The following AMDHD1 variants were observed in gnomAD, a reference collection of about 807,000 sequenced individuals.
AMDHD1 encodes the protein amidohydrolase domain containing 1.
Under a neutral mutation model 44.1 loss-of-function variants are expected in AMDHD1, and 45 were observed. The observed-to-expected ratio is 1.02, with a 90% CI of 0.80 to 1.31. The LOEUF (loss-of-function observed/expected upper bound fraction) is 1.31. Among genes scored for constraint, AMDHD1 ranks in the 50% most tolerant of loss-of-function variants. AMDHD1 has a pLI of 0.00. For missense variants in AMDHD1, 586 were observed against 552.1 expected, an observed-to-expected ratio of 1.06 and a Z score of -0.61; for synonymous variants, 206 against 205.0, an observed-to-expected ratio of 1.00 and a Z score of -0.04.
chr12:95,943,774 G>A (rs550032702), intron 1 of AMDHD1, among the ~76,000 whole-genome samples: 1 of 152,318 alleles, frequency 6.6e-6, no homozygotes, highest in East Asian at 1.9e-4. Context: ...GCCTCTGCTG[G>A]TAAAATATCA....
rs755248408 is a variant in AMDHD1, at chr12:95,966,430, A to G, written c.1115A>G (p.Tyr372Cys). 3.1e-6 allele frequency: 5 copies of G among 1,614,154 alleles called. No homozygotes were observed. The African/African-American group carries it at 5.3e-5, about 17-fold the overall frequency. The change falls in exon 8 of 9, where the codon TAT becomes TGT. Residue 372 changes from tyrosine to cysteine, a missense_variant. By Grantham distance (194) the Tyr-to-Cys change is radical. Transcript: ENST00000266736. ...GCCGCTGCCACCATCAATGCAGCTT[A>G]TGCACTGGGAAAGTCTCACACACAC... ...ALAAATINAA[Y>C]ALGKSHTHGS...
In AMDHD1 at chr12:95,963,476, G is replaced by A. The variant is rs915871581; in HGVS notation, c.938+997G>A. On this transcript the variant is annotated intron_variant, in intron 6 of 8. Coordinates refer to ENST00000266736, the MANE Select transcript of AMDHD1 (RefSeq NM_152435.3). ...GGCTCCAAGTAACTTTTAGAAGGGC[G>A]AAGAAAGGAATACTTCAGTGCTTTT... Among the ~76,000 whole-genome samples, 7 of 152,142 alleles carry A rather than the reference G, an allele frequency of 4.6e-5. 1 individual carries two copies. Among genetic ancestry groups the A allele is most frequent in the Admixed American group, 3.9e-4 (6 of 15,278 alleles).
intron 8 of AMDHD1, among the ~76,000 whole-genome samples, chr12:95,966,897 G>A (rs559492464): frequency 6.6e-6 from 1 of 152,244 alleles, no homozygotes; most frequent in East Asian, 1.9e-4. Flanking sequence ...CATGCCGACT[G>A]GCTCCCAAAA....
chr12:95,956,701 A>G lies in AMDHD1; in HGVS notation c.326A>G (p.Tyr109Cys), dbSNP rs1421348709. Residue 109 changes from tyrosine to cysteine, a missense_variant, in exon 4 of 9, where the codon TAC becomes TGC. Coordinates refer to ENST00000266736, the MANE Select transcript of AMDHD1 (RefSeq NM_152435.3). ...TGTGTTCAGTTGGCAGGAGCCACCTACATGGAAATTCACCAGGCCGGAGGA... is the reference window on the plus strand; with the variant it reads ...TGTGTTCAGTTGGCAGGAGCCACCTGCATGGAAATTCACCAGGCCGGAGGA... ...EFAMKLAGAT[Y>C]MEIHQAGGGI... 1.2e-5 allele frequency: 20 copies of G among 1,614,040 alleles called. No homozygotes were observed. The highest frequency in any genetic ancestry group is 1.7e-5 in the Non-Finnish European group (20 of 1,179,888).
At chr12:95,945,203 C>T (rs911709121) in intron 1 of AMDHD1, among the ~76,000 whole-genome samples, 3 of 152,140 alleles carry the variant, frequency 2.0e-5, no homozygotes, top group Non-Finnish European at 4.4e-5. Flanking sequence ...GGTTCCAAGA[C>T]ATGTTCTATG....
intron 6 of AMDHD1, among the ~76,000 whole-genome samples, chr12:95,964,218 G>A (rs978984696): frequency 2.6e-5 from 4 of 151,928 alleles, no homozygotes; most frequent in Non-Finnish European, 4.4e-5. Context: ...AGGACCACAG[G>A]GGCAGTCGAA....
Position 95,943,500 on chromosome 12 carries a change from G to A in AMDHD1, c.102G>A (p.Leu34=). 7.3e-6 allele frequency: 11 copies of A among 1,497,512 alleles called. No homozygotes were observed. Among genetic ancestry groups the A allele is most frequent in the South Asian group, 1.2e-5 (1 of 80,416 alleles). 92.8% of individuals were successfully genotyped at this position (1,497,512 alleles called of 1,614,324 possible). ...TGGCGCGGGATGCGCTGCGCAGCCT[G>A]GCGGTGCTGGAAGGCGCCAGCCTGG... is the stretch of plus-strand genomic sequence containing the variant. ...RFLARDALRS[L]AVLEGASLVV... is the part of the protein sequence containing the mutation. Residue 34 remains leucine (L), a synonymous_variant, in exon 1 of 9, where the codon CTG becomes CTA. Coordinates refer to ENST00000266736, the MANE Select transcript of AMDHD1 (RefSeq NM_152435.3).
At chr12:95,947,863 C>A (rs1259389431) in intron 1 of AMDHD1, among the ~76,000 whole-genome samples, 135 of 91,092 alleles carry the variant, frequency 1.5e-3, no homozygotes, top group Admixed American at 2.3e-3. Flanking sequence ...AGGTGAGGGG[C>A]GCCTCTGCCC....
At chr12:95,962,649 A>G (rs1442303993) in intron 6 of AMDHD1, among the ~76,000 whole-genome samples, 170 bp downstream of exon 6, 1 of 152,246 alleles carries the variant, frequency 6.6e-6, no homozygotes, top group Non-Finnish European at 1.5e-5. Flanking sequence ...TCGTAAACGA[A>G]TTTCTCTGAG....
chr12:95,960,214 C>T (rs1192493200), intron 4 of AMDHD1, among the ~76,000 whole-genome samples, 184 bp from the exon 5 acceptor site: 1 of 152,196 alleles, frequency 6.6e-6, no homozygotes, highest in African/African-American at 2.4e-5. Context: ...TCAATACCTC[C>T]ACTATGTAGA....
chr12:95,951,125 C>T (rs1248925030), intron 1 of AMDHD1, among the ~76,000 whole-genome samples: 1 of 152,098 alleles, frequency 6.6e-6, no homozygotes. Flanking sequence ...AAATGTGCAA[C>T]ATATTATTGC....
intron 2 of AMDHD1, 96 bp from the exon 3 acceptor site, chr12:95,954,815 T>C: frequency 8.7e-7 from 1 of 1,150,468 alleles, no homozygotes; most frequent in Non-Finnish European, 1.3e-6. Context: ...ACCATCACAC[T>C]TTCCCCAGAG....
In AMDHD1 at chr12:95,967,751, T is replaced by C; in HGVS notation, c.1194-5T>C. On this transcript the variant is annotated splice_region_variant and splice_polypyrimidine_tract_variant and intron_variant, in intron 8 of 8. Coordinates refer to ENST00000266736, the MANE Select transcript of AMDHD1 (RefSeq NM_152435.3). Reference sequence around the variant, plus strand: ...AATATTTGTTGTTTTTTTTTTTTTTTCTAGATGGGAGCATTTGATTTACCA... The same window carrying C: ...AATATTTGTTGTTTTTTTTTTTTTTCCTAGATGGGAGCATTTGATTTACCA... 2 of 1,554,726 alleles carry C rather than the reference T, an allele frequency of 1.3e-6. No individual in the cohort carries two copies. Among genetic ancestry groups the C allele is most frequent in the Non-Finnish European group, 1.7e-6 (2 of 1,155,298 alleles).
Position 95,956,966 on chromosome 12 carries a change from A to G in AMDHD1, c.587+4A>G, listed in dbSNP as rs756355702. On this transcript the variant is annotated splice_donor_region_variant and intron_variant, in intron 4 of 8. Transcript: ENST00000266736. ...GCGGGGCTCATTCAGTGCCTAAGTA[A>G]TCTCAGCCAGTGGGGGCCCGGGTTT... is the stretch of plus-strand genomic sequence containing the variant. The G allele has an allele frequency of 6.2e-7, 1 of 1,611,694 alleles. No individual in the cohort carries two copies. Among genetic ancestry groups the G allele is most frequent in the Non-Finnish European group, 8.5e-7 (1 of 1,179,564 alleles).
intron 1 of AMDHD1, among the ~76,000 whole-genome samples, chr12:95,951,375 A>T (rs2080525113): frequency 6.6e-6 from 1 of 152,224 alleles, no homozygotes; most frequent in South Asian, 2.1e-4. Context: ...TTCACTTAAC[A>T]TAATGTCCTC....
In AMDHD1 at chr12:95,943,402, G is replaced by A. The variant is rs1225833271; in HGVS notation, c.4G>A (p.Ala2Thr). 6.7e-7 allele frequency: 1 copy of A among 1,497,326 alleles called. No homozygotes were observed. 92.8% of individuals were successfully genotyped at this position (1,497,326 alleles called of 1,614,324 possible). M[A>T]SGHSLLLENA... is the part of the protein sequence containing the mutation. The stretch of plus-strand genomic sequence containing the variant: ...GCGACCCTCGGCGCGAGGCGACATG[G>A]CAAGCGGCCACAGCCTCCTGCTGGA... Residue 2 changes from alanine to threonine, a missense_variant, in exon 1 of 9, where the codon GCA (alanine) becomes ACA (threonine). By Grantham distance (58) the Ala-to-Thr change is moderately conservative. Transcript: ENST00000266736.
At chr12:95,961,346 A>G (rs1386010853) in intron 5 of AMDHD1, among the ~76,000 whole-genome samples, 1 of 152,204 alleles carries the variant, frequency 6.6e-6, no homozygotes, top group East Asian at 1.9e-4. Context: ...TTTCAAATCC[A>G]TATATCTTTG....
chr12:95,949,380 A>G (rs1411833397), intron 1 of AMDHD1, among the ~76,000 whole-genome samples: 2 of 152,204 alleles, frequency 1.3e-5, no homozygotes, highest in Non-Finnish European at 2.9e-5. Context: ...TTTCATTATA[A>G]TTATACTTTA....
At chr12:95,958,846 A>G (rs2080565615) in intron 4 of AMDHD1, among the ~76,000 whole-genome samples, 1 of 152,198 alleles carries the variant, frequency 6.6e-6, no homozygotes, top group Non-Finnish European at 1.5e-5. Flanking sequence ...ACCTGAGGTC[A>G]GAAGTTTGAG....
Sources: allele counts gnomAD v4.1 joint callset (sites outside exome capture counted in the v4.1 genomes callset), GRCh38; gene constraint gnomAD v4.1.1; transcripts MANE v1.5; gene names NCBI Gene and HGNC (gene_info 2026-07-23, HGNC 2026-07-21).